CPNE4: variants seen among roughly 807,000 people sequenced by gnomAD.
CPNE4 encodes copine 4.
In CPNE4, 25 loss-of-function variants were observed where a neutral mutation model predicts 67.9. That is an observed-to-expected ratio of 0.37 (90% CI 0.27 to 0.51). The LOEUF is 0.51. CPNE4 is among the 20% of genes least tolerant of loss of function. The pLI, the probability that CPNE4 is intolerant of heterozygous loss-of-function variation, is 0.93. For synonymous variants in CPNE4, 242 were observed against 244.9 expected, an observed-to-expected ratio of 0.99 and a Z score of 0.11; for missense variants, 464 against 690.8, an observed-to-expected ratio of 0.67 and a Z score of 3.68.
At position 131,542,694 on chromosome 3, in the gene CPNE4, T is replaced by C; in HGVS notation, c.1402A>G (p.Ile468Val). ...TCAGCGTTCCCTACTCCCACGATGA[T>C]GACTGACATGGGGAGGTGGGAGGCA... ...VHASHLPMSVIIVGVGNADFS... is the reference protein window; with the variant it reads ...VHASHLPMSVVIVGVGNADFS... Residue 468 changes from isoleucine (I) to valine (V), a missense_variant, in exon 15 of 16, where the codon ATC becomes GTC. By Grantham distance (29) the Ile-to-Val change is conservative. This residue lies in a region of CPNE4 where 201 missense variants were observed against 357.7 expected (regional missense o/e 0.56). Coordinates refer to ENST00000429747, the MANE Select transcript of CPNE4 (RefSeq NM_130808.3). 1 of 1,614,026 alleles carries C rather than the reference T, an allele frequency of 6.2e-7. No individual in the cohort carries two copies. The highest frequency in any genetic ancestry group is 8.5e-7 in the Non-Finnish European group (1 of 1,179,942).
intron 6 of CPNE4, among the ~76,000 whole-genome samples, chr3:131,678,654 A>G (rs2080649112): frequency 6.6e-6 from 1 of 152,038 alleles, no homozygotes. Context: ...AAGGAATGTT[A>G]AATGTTGTTG....
In CPNE4 at chr3:131,737,115, C is replaced by CTTTTTTTTTTTTTTTTTTTTTTTTTTTTT. The variant is rs71788145; in HGVS notation, c.181-13491_181-13490insAAAAAAAAAAAAAAAAAAAAAAAAAAAAA. 3.2e-4 allele frequency among the ~76,000 whole-genome samples: 16 copies of CTTTTTTTTTTTTTTTTTTTTTTTTTTTTT among 49,400 alleles called. 4 individuals carry two copies. Among genetic ancestry groups the CTTTTTTTTTTTTTTTTTTTTTTTTTTTTT allele is most frequent in the Admixed American group, 8.9e-4 (3 of 3,358 alleles). 32.4% of individuals were successfully genotyped at this position (49,400 alleles called of 152,430 possible). On this transcript the variant is annotated intron_variant, in intron 2 of 15. Transcript: ENST00000429747. ...TGCCTCTTTTTATGAAGTATTGTGT[C>CTTTTTTTTTTTTTTTTTTTTTTTTTTTTT]TTTTTTTTTTTTTTTTTTTTTTTTT...
chr3:131,814,961 C>T (rs9826180), intron 2 of CPNE4, among the ~76,000 whole-genome samples: 29,720 of 152,052 alleles, frequency 0.2, 3,620 homozygotes, highest in Non-Finnish European at 0.26. Context: ...ATCTGCAGGG[C>T]CACAGGGCAT....
intron 2 of CPNE4, among the ~76,000 whole-genome samples, chr3:131,779,652 C>T (rs1447852231): frequency 6.6e-6 from 1 of 151,976 alleles, no homozygotes; most frequent in Non-Finnish European, 1.5e-5. Context: ...TGAAACTGGA[C>T]CCTTACCTGT....
At chr3:132,017,796 A>G (rs2073916750) in intron 1 of CPNE4, 1 of 152,282 alleles carries the variant, frequency 6.6e-6, no homozygotes, top group Non-Finnish European at 1.5e-5. Flanking sequence ...ATTAGTGCCA[A>G]GGCATCACAT....
In CPNE4 at chr3:131,629,078, C is replaced by G. The variant is rs556837033; in HGVS notation, c.681+40597G>C. On this transcript the variant is annotated intron_variant, in intron 7 of 15. Transcript: ENST00000429747. ...CTCTACACACTGCTTTAAATGTGTC[C>G]CAGAGATTCTGGTATGTTGTGTCTT... is the stretch of plus-strand genomic sequence containing the variant. 6.8e-3 allele frequency among the ~76,000 whole-genome samples: 1,028 copies of G among 152,258 alleles called. 11 individuals are homozygous for G. Among genetic ancestry groups the G allele is most frequent in the African/African-American group, 0.024 (983 of 41,554 alleles).
intron 1 of CPNE4, among the ~76,000 whole-genome samples, chr3:132,027,109 C>T (rs1055532144): frequency 2.0e-5 from 3 of 152,188 alleles, no homozygotes; most frequent in Non-Finnish European, 2.9e-5. Context: ...AGTTTTTGAG[C>T]AACTACTAGG....
chr3:131,599,826 C>A (rs1030024117), intron 7 of CPNE4, among the ~76,000 whole-genome samples: 2 of 152,182 alleles, frequency 1.3e-5, no homozygotes, highest in African/African-American at 4.8e-5. Context: ...GTGACAATTA[C>A]TCAGGTTTGT....
At chr3:131,778,515 T>C (rs1289689615) in intron 2 of CPNE4, among the ~76,000 whole-genome samples, 1 of 152,104 alleles carries the variant, frequency 6.6e-6, no homozygotes, top group African/African-American at 2.4e-5. Flanking sequence ...ACATGTAAAA[T>C]ACAGCTTCTG....
At chr3:131,997,375 A>T (rs1222958361) in intron 1 of CPNE4, among the ~76,000 whole-genome samples, 1 of 152,152 alleles carries the variant, frequency 6.6e-6, no homozygotes, top group Non-Finnish European at 1.5e-5. Flanking sequence ...ACAAGCAGCA[A>T]CAAAAAGGGG....
intron 2 of CPNE4, among the ~76,000 whole-genome samples, chr3:131,729,643 T>A (rs570521593): frequency 1.7e-4 from 26 of 152,354 alleles, no homozygotes; most frequent in Non-Finnish European, 1.5e-5. Context: ...TTCTACTTTG[T>A]TAGGATTAAA....
chr3:131,601,041 G>C (rs963632662), intron 7 of CPNE4, among the ~76,000 whole-genome samples: 7 of 152,090 alleles, frequency 4.6e-5, no homozygotes, highest in African/African-American at 1.7e-4. Context: ...CTTCAGGAGA[G>C]AGAACACTTT....
At chr3:131,752,579 A>G (rs561800196) in intron 2 of CPNE4, among the ~76,000 whole-genome samples, 2 of 152,194 alleles carry the variant, frequency 1.3e-5, no homozygotes, top group African/African-American at 4.8e-5. Flanking sequence ...CCAACTTTTA[A>G]TGTATTCTTA....
At chr3:131,613,026 T>C (rs1939939456) in intron 7 of CPNE4, among the ~76,000 whole-genome samples, 1 of 152,252 alleles carries the variant, frequency 6.6e-6, no homozygotes, top group Admixed American at 6.5e-5. Context: ...TGTTATCTTC[T>C]GTCTTTCAGA....
At chr3:131,800,696 G>A (rs1174277635) in intron 2 of CPNE4, among the ~76,000 whole-genome samples, 1 of 152,242 alleles carries the variant, frequency 6.6e-6, no homozygotes, top group East Asian at 1.9e-4. Context: ...AATTTTGGAG[G>A]CTTTGAATGT....
intron 1 of CPNE4, among the ~76,000 whole-genome samples, chr3:131,932,200 G>A (rs1022170738): frequency 3.9e-5 from 6 of 152,194 alleles, no homozygotes; most frequent in Non-Finnish European, 5.9e-5. Flanking sequence ...GTATACACAT[G>A]CTGACAATTT....
intron 7 of CPNE4, among the ~76,000 whole-genome samples, chr3:131,625,730 A>G (rs943115617): frequency 3.9e-5 from 6 of 152,150 alleles, no homozygotes; most frequent in Non-Finnish European, 8.8e-5. Context: ...ATAAAGGTTA[A>G]TTTATAAATT....
chr3:131,978,192 T>TATA (rs2072744771), intron 1 of CPNE4, among the ~76,000 whole-genome samples: 1 of 55,886 alleles, frequency 1.8e-5, no homozygotes, highest in African/African-American at 1.1e-4. Context: ...TATAATATAT[T>TATA]TATAATTATT....
In CPNE4 at chr3:131,591,203, T is replaced by C. The variant is rs1164527071; in HGVS notation, c.682-3621A>G. ...AAGAGTGGTTTCTGGGCCCTTGTAT[T>C]TGAGGCTCATAACTTTGCCTGATAG... On this transcript the variant is annotated intron_variant, in intron 7 of 15. Coordinates refer to ENST00000429747, the MANE Select transcript of CPNE4 (RefSeq NM_130808.3). Among the ~76,000 whole-genome samples the C allele has an allele frequency of 2.0e-5, 3 of 152,140 alleles. No individual in the cohort carries two copies. In the East Asian group the frequency reaches 5.8e-4, roughly 29 times the overall value.
Sources: allele counts gnomAD v4.1 joint callset (sites outside exome capture counted in the v4.1 genomes callset), GRCh38; gene constraint gnomAD v4.1.1; regional missense constraint gnomAD v4.1.1; transcripts MANE v1.5; gene names NCBI Gene and HGNC (gene_info 2026-07-23, HGNC 2026-07-21).